Variants in ODAD2 observed in about 807,000 individuals in gnomAD.
ODAD2 encodes the protein outer dynein arm docking complex subunit 2.
ODAD2 carries 89 observed loss-of-function variants against 106.8 expected under a neutral mutation model. The ratio of observed to expected loss-of-function variants is 0.83; its 90% CI spans 0.70 to 0.99. The LOEUF is 0.99. Among genes scored for constraint, ODAD2 ranks in the 50% least tolerant of loss-of-function variants. ODAD2 has a pLI of 0.00. For synonymous variants in ODAD2, 404 were observed against 436.2 expected (o/e 0.93, Z 0.92); for missense variants, 1,168 against 1,238.5 (o/e 0.94, Z 0.85).
At chr10:27,860,551 T>G (rs1403252426) in intron 19 of ODAD2, 74 bp downstream of exon 19, 3 of 1,408,330 alleles carry the variant, frequency 2.1e-6, no homozygotes, top group Non-Finnish European at 2.0e-6. Flanking sequence ...TAGAGAAATC[T>G]TAGTGATGCC....
At chr10:27,898,763 A>G (rs1843005453) in intron 17 of ODAD2, among the ~76,000 whole-genome samples, 1 of 152,172 alleles carries the variant, frequency 6.6e-6, no homozygotes, top group South Asian at 2.1e-4. Context: ...TGACGAATAC[A>G]TTGCCAAAAT....
At chr10:27,985,682 A>G (rs1849834934) in intron 3 of ODAD2, among the ~76,000 whole-genome samples, 1 of 152,136 alleles carries the variant, frequency 6.6e-6, no homozygotes. Context: ...TCCTAAGCCT[A>G]CAGACCCAGT....
chr10:27,860,685 C>T lies in ODAD2; in HGVS notation c.2961G>A (p.Leu987=). 1.2e-6 allele frequency: 2 copies of T among 1,614,134 alleles called. No homozygotes were observed. Residue 987 remains leucine (L), a synonymous_variant, in exon 19 of 20, where the codon TTG becomes TTA. Transcript: ENST00000305242. ...TNVHRATAQA[L]YQLSEDADNC... is the part of the protein sequence containing the mutation. ...TATCGGCGTCTTCTGAGAGTTGGTACAAGGCCTGAGCTGTCGCCCGATGCA... is the reference window on the plus strand; with the variant it reads ...TATCGGCGTCTTCTGAGAGTTGGTATAAGGCCTGAGCTGTCGCCCGATGCA...
chr10:27,878,511 C>T (rs183020443), intron 17 of ODAD2, among the ~76,000 whole-genome samples: 7 of 152,086 alleles, frequency 4.6e-5, no homozygotes, highest in African/African-American at 7.2e-5. Context: ...ACATACAAGG[C>T]GAGCGTAACA....
At chr10:27,850,444 CAAA>C (rs10713871) in intron 19 of ODAD2, among the ~76,000 whole-genome samples, 63 of 89,566 alleles carry the variant, frequency 7.0e-4, no homozygotes, top group Middle Eastern at 7.0e-3. Flanking sequence ...GACTCCGTCT[CAAA>C]AAAAAAAAAA....
chr10:27,877,457 A>C (rs1255045720), intron 17 of ODAD2, among the ~76,000 whole-genome samples: 6 of 152,116 alleles, frequency 3.9e-5, no homozygotes, highest in Admixed American at 3.9e-4. Context: ...TGGGACAGGG[A>C]AACATTAGGC....
In ODAD2 at chr10:27,812,603, G is replaced by A. The variant is rs754214367; in HGVS notation, c.3044C>T (p.Ser1015Phe). Residue 1015 changes from serine to phenylalanine, a missense_variant, in exon 20 of 20, where the codon TCC (serine) becomes TTC (phenylalanine). Ser to Phe is a radical substitution (Grantham distance 155, BLOSUM62 -2). This residue lies in a region of ODAD2 where 701 missense variants were observed against 712.3 expected (regional missense o/e 0.98). Transcript: ENST00000305242. ...AVKLLLDMVGSPDQDLQEAAA... is the reference protein window; with the variant it reads ...AVKLLLDMVGFPDQDLQEAAA... The stretch of plus-strand genomic sequence containing the variant: ...AGCTTCCTGGAGATCCTGGTCAGGG[G>A]ACCCAACCATATCCAGTAGAAGCTG... 6.2e-7 allele frequency: 1 copy of A among 1,611,546 alleles called. No individual in the cohort carries two copies. Among genetic ancestry groups the A allele is most frequent in the Non-Finnish European group, 8.5e-7 (1 of 1,179,456 alleles).
intron 17 of ODAD2, among the ~76,000 whole-genome samples, chr10:27,867,603 C>T (rs577418774): frequency 6.6e-5 from 10 of 152,206 alleles, no homozygotes; most frequent in African/African-American, 2.4e-4. Flanking sequence ...AGTAGCAGTG[C>T]CATCCTAGTC....
chr10:27,980,227 A>G (rs915413084), intron 7 of ODAD2, among the ~76,000 whole-genome samples: 1 of 152,150 alleles, frequency 6.6e-6, no homozygotes, highest in African/African-American at 2.4e-5. Context: ...TAGAGGAAAA[A>G]CACAGTGCTA....
chr10:27,818,483 T>C (rs1426572876), intron 19 of ODAD2, among the ~76,000 whole-genome samples: 1 of 152,144 alleles, frequency 6.6e-6, no homozygotes, highest in Non-Finnish European at 1.5e-5. Context: ...ATTATTACTT[T>C]ATGAATTTTG....
At chr10:27,885,759 TTTA>T (rs1564466515) in intron 17 of ODAD2, among the ~76,000 whole-genome samples, 2 of 30,106 alleles carry the variant, frequency 6.6e-5, no homozygotes, top group African/African-American at 2.0e-4. Flanking sequence ...TAATATATAT[TTTA>T]TATATATTAT....
At chr10:27,937,990 CTGGAGTACAG>C (rs1194580265) in intron 14 of ODAD2, among the ~76,000 whole-genome samples, 1 of 152,076 alleles carries the variant, frequency 6.6e-6, no homozygotes, top group African/African-American at 2.4e-5. Flanking sequence ...GTTGCCCAGG[CTGGAGTACAG>C]TGGCACAATC....
chr10:27,939,157 G>A (rs928700470), intron 14 of ODAD2, among the ~76,000 whole-genome samples: 4 of 151,796 alleles, frequency 2.6e-5, no homozygotes, highest in East Asian at 1.9e-4. Flanking sequence ...ACACACACAC[G>A]CATTCCTCTG....
chr10:27,855,110 G>A (rs1374792535), intron 19 of ODAD2, among the ~76,000 whole-genome samples: 3 of 151,994 alleles, frequency 2.0e-5, no homozygotes, highest in Non-Finnish European at 4.4e-5. Context: ...GTGGGTGTAG[G>A]CATATATATG....
rs770927145 is a variant in ODAD2 at position 27,812,518 on chromosome 10, G to A, written c.3129C>T (p.Tyr1043=). 5.0e-6 allele frequency: 8 copies of A among 1,612,890 alleles called. No homozygotes were observed. The highest frequency in any genetic ancestry group is 1.6e-4 in the Middle Eastern group (1 of 6,080). ...RLALATEKAR[Y]T ...TGTAATGTCCATTTAAATTTCAAGT[G>A]TATCTTGCCTTCTCTGTAGCAAGAG... Residue 1043 remains tyrosine, a synonymous_variant, in exon 20 of 20, where the codon TAC becomes TAT. Transcript: ENST00000305242.
intron 19 of ODAD2, among the ~76,000 whole-genome samples, chr10:27,827,066 C>T (rs1347292951): frequency 6.6e-6 from 1 of 152,174 alleles, no homozygotes; most frequent in African/African-American, 2.4e-5. Flanking sequence ...TTTTCAATAA[C>T]ACTTGTCCCA....
intron 2 of ODAD2, among the ~76,000 whole-genome samples, chr10:27,991,085 C>T (rs954525023): frequency 6.6e-6 from 1 of 152,094 alleles, no homozygotes; most frequent in Non-Finnish European, 1.5e-5. Context: ...GATGGTATTG[C>T]CATTGAGTGG....
chr10:27,871,337 C>A (rs374293344), intron 17 of ODAD2, among the ~76,000 whole-genome samples: 1 of 151,974 alleles, frequency 6.6e-6, no homozygotes, highest in East Asian at 1.9e-4. Flanking sequence ...TTTCTTTTGC[C>A]GTGCAGAAGC....
intron 10 of ODAD2, among the ~76,000 whole-genome samples, chr10:27,945,844 G>C (rs1846877533): frequency 6.7e-6 from 1 of 149,764 alleles, no homozygotes; most frequent in Non-Finnish European, 1.5e-5. Flanking sequence ...CACTAAAGTA[G>C]CGCATCACAC....
Sources: allele counts gnomAD v4.1 joint callset (sites outside exome capture counted in the v4.1 genomes callset), GRCh38; gene constraint gnomAD v4.1.1; regional missense constraint gnomAD v4.1.1; transcripts MANE v1.5; gene names NCBI Gene and HGNC (gene_info 2026-07-23, HGNC 2026-07-21).